Variants in CLEC3A observed in about 807,000 individuals in gnomAD.
CLEC3A encodes C-type lectin domain family 3 member A.
CLEC3A carries 28 observed loss-of-function variants against 20.4 expected under a neutral mutation model. The observed-to-expected ratio is 1.37, with a 90% CI of 1.02 to 1.88. The LOEUF (loss-of-function observed/expected upper bound fraction) is 1.88, where lower values mean the gene tolerates loss of function less well. Among genes scored for constraint, CLEC3A ranks in the 40% most tolerant of loss-of-function variants. The pLI is 0.00. For missense variants in CLEC3A, 357 were observed against 240.4 expected (o/e 1.48, Z -3.21); for synonymous variants, 110 against 88.1 (o/e 1.25, Z -1.39).
intron 1 of CLEC3A, among the ~76,000 whole-genome samples, chr16:78,027,564 A>C (rs1227487687): frequency 1.3e-5 from 2 of 152,208 alleles, no homozygotes; most frequent in Non-Finnish European, 2.9e-5. Flanking sequence ...TTCTAGTATT[A>C]TGATTGCCAT....
intron 1 of CLEC3A, among the ~76,000 whole-genome samples, chr16:78,026,224 C>T (rs1038187889): frequency 2.6e-5 from 4 of 152,184 alleles, no homozygotes; most frequent in Admixed American, 2.6e-4. Context: ...AAGACAGCTT[C>T]CTAACCCAAA....
At chr16:78,027,418 A>T (rs2029956487) in intron 1 of CLEC3A, among the ~76,000 whole-genome samples, 1 of 152,192 alleles carries the variant, frequency 6.6e-6, no homozygotes, top group Admixed American at 6.5e-5. Context: ...GCGCTGGAGC[A>T]AGAGTGATCC....
chr16:78,024,046 C>T (rs1003808334), intron 1 of CLEC3A, among the ~76,000 whole-genome samples: 5 of 152,066 alleles, frequency 3.3e-5, no homozygotes, highest in African/African-American at 4.8e-5. Context: ...CGTGAGCCAC[C>T]GCGCCCGGCT....
chr16:78,031,512 T>A lies in CLEC3A; in HGVS notation c.*671T>A, dbSNP rs1472608483. On this transcript the variant is annotated 3_prime_UTR_variant, in exon 3 of 3. Transcript: ENST00000299642. ...TGAAATGAAATGACAAGGTGTATATTTGATCAATTTTCATTCCCACCATTG... is the reference window on the plus strand; with the variant it reads ...TGAAATGAAATGACAAGGTGTATATATGATCAATTTTCATTCCCACCATTG... The A allele has an allele frequency of 1.3e-5, 2 of 152,170 alleles. No homozygotes were observed. The highest frequency in any genetic ancestry group is 2.4e-5 in the African/African-American group (1 of 41,452). The allele number at this position is 152,170 out of a possible 1,614,324, so 9.4% of individuals were successfully genotyped here.
intron 1 of CLEC3A, among the ~76,000 whole-genome samples, chr16:78,024,827 T>C (rs1370364914): frequency 6.6e-6 from 1 of 152,194 alleles, no homozygotes; most frequent in African/African-American, 2.4e-5. Context: ...TTTTGTTTTT[T>C]GTAGGATTGT....
rs764665016 is a variant in CLEC3A, at chr16:78,030,641, A to C, written c.394A>C (p.Ile132Leu). The change falls in exon 3 of 3, where the codon ATC becomes CTC. Residue 132 changes from isoleucine (I) to leucine (L), a missense_variant. Physicochemically the swap from Ile to Leu is conservative, Grantham distance 5 (BLOSUM62 2). Transcript: ENST00000299642. ...AGGTGTCAATGACTTTTGGCTGGGC[A>C]TCAATGACATGGTCACGGAAGGCAA... is the stretch of plus-strand genomic sequence containing the variant. ...LPGVNDFWLGINDMVTEGKFV... is the reference protein window; with the variant it reads ...LPGVNDFWLGLNDMVTEGKFV... 5.0e-6 allele frequency: 8 copies of C among 1,614,146 alleles called. No individual in the cohort carries two copies. The highest frequency in any genetic ancestry group is 1.3e-5 in the African/African-American group (1 of 75,042).
At position 78,031,033 on chromosome 16, in the gene CLEC3A, G is replaced by C. The variant is rs2030087867; in HGVS notation, c.*192G>C. On this transcript the variant is annotated 3_prime_UTR_variant, in exon 3 of 3. Coordinates refer to ENST00000299642, the MANE Select transcript of CLEC3A (RefSeq NM_005752.6). ...GGGATTTTGCCCTTCCTGGGGTATA[G>C]GGGATCAGAAATATTGATCCATGTG... is the stretch of plus-strand genomic sequence containing the variant. 3.4e-6 allele frequency: 2 copies of C among 592,820 alleles called. No individual in the cohort carries two copies. Among genetic ancestry groups the C allele is most frequent in the African/African-American group, 1.9e-5 (1 of 53,612 alleles). 36.7% of individuals were successfully genotyped at this position (592,820 alleles called of 1,614,324 possible).
Position 78,028,158 on chromosome 16 carries a change from A to G in CLEC3A, c.167A>G (p.Asn56Ser), listed in dbSNP as rs751118367. 13 of 1,611,204 alleles carry G rather than the reference A, an allele frequency of 8.1e-6. No homozygotes were observed. Among genetic ancestry groups the G allele is most frequent in the African/African-American group, 6.7e-5 (5 of 74,672 alleles). ...TQIEKLWTEV[N>S]ALKEIQALQT... ...ATTGAAAAGCTCTGGACAGAAGTCA[A>G]TGCCTTGAAGGAAATTCAAGCCCTG... Residue 56 changes from asparagine (N) to serine (S), a missense_variant, in exon 2 of 3, where the codon AAT becomes AGT. By Grantham distance (46) the Asn-to-Ser change is conservative. Transcript: ENST00000299642.
At chr16:78,024,263 AG>A (rs1226631339) in intron 1 of CLEC3A, among the ~76,000 whole-genome samples, 3 of 152,106 alleles carry the variant, frequency 2.0e-5, no homozygotes, top group African/African-American at 7.2e-5. Context: ...ACTCCTCGTG[AG>A]AGTGGCGATC....
At chr16:78,030,337 A>T (rs923374383) in intron 2 of CLEC3A, 110 bp from the exon 3 acceptor site, 2 of 986,350 alleles carry the variant, frequency 2.0e-6, no homozygotes, top group Non-Finnish European at 3.0e-6. Flanking sequence ...CTGTTGTCTC[A>T]TCATTATCAT....
rs183637528 is a variant in CLEC3A at position 78,030,314 on chromosome 16, T to C, written c.200-133T>C. 2.4e-4 allele frequency: 192 copies of C among 799,214 alleles called. No homozygotes were observed. In the African/African-American group the frequency reaches 2.8e-3, roughly 12 times the overall value. 49.5% of individuals were successfully genotyped at this position (799,214 alleles called of 1,614,324 possible). A position where few individuals can be genotyped will look rare whatever the true frequency, so the allele number is the denominator to read the frequency against. On this transcript the variant is annotated intron_variant, in intron 2 of 2. Coordinates refer to ENST00000299642, the MANE Select transcript of CLEC3A (RefSeq NM_005752.6). ...AATGCTTAGCATGTTGTCCGGCACATAGAAAATTTTAACTGTTGTCTCATC... is the reference window on the plus strand; with the variant it reads ...AATGCTTAGCATGTTGTCCGGCACACAGAAAATTTTAACTGTTGTCTCATC...
intron 1 of CLEC3A, among the ~76,000 whole-genome samples, chr16:78,026,071 C>A (rs1474162335): frequency 1.3e-5 from 2 of 152,098 alleles, no homozygotes; most frequent in Non-Finnish European, 2.9e-5. Context: ...CTGAATGCAC[C>A]CTTACATTTT....
At position 78,031,499 on chromosome 16, in the gene CLEC3A, A is replaced by C. The variant is rs1384184903; in HGVS notation, c.*658A>C. The C allele has an allele frequency of 6.6e-6, 1 of 152,020 alleles. No individual in the cohort carries two copies. The highest frequency in any genetic ancestry group is 1.5e-5 in the Non-Finnish European group (1 of 68,006). The allele number at this position is 152,020 out of a possible 1,614,324, so 9.4% of individuals were successfully genotyped here. ...TCCAGCCGCAATTTGAAATGAAATG[A>C]CAAGGTGTATATTTGATCAATTTTC... is the stretch of plus-strand genomic sequence containing the variant. On this transcript the variant is annotated 3_prime_UTR_variant, in exon 3 of 3. Coordinates refer to ENST00000299642, the MANE Select transcript of CLEC3A (RefSeq NM_005752.6).
intron 2 of CLEC3A, 73 bp downstream of exon 2, chr16:78,028,263 G>A (rs1251052864): frequency 7.8e-6 from 8 of 1,028,290 alleles, no homozygotes; most frequent in East Asian, 5.4e-5. Flanking sequence ...TCTGGGGGAC[G>A]TCTTTTTAAA....
In CLEC3A at chr16:78,030,862, C is replaced by G. The variant is rs1444987934; in HGVS notation, c.*21C>G. 1 of 1,584,272 alleles carries G rather than the reference C, an allele frequency of 6.3e-7. No homozygotes were observed. Among genetic ancestry groups the G allele is most frequent in the East Asian group, 2.2e-5 (1 of 44,552 alleles). On this transcript the variant is annotated 3_prime_UTR_variant, in exon 3 of 3. Transcript: ENST00000299642. ...AATAGGTCTTTCTCCAATGTGTCCTCCAAGCAAGATTCATCATAACTTATA... is the reference window on the plus strand; with the variant it reads ...AATAGGTCTTTCTCCAATGTGTCCTGCAAGCAAGATTCATCATAACTTATA...
intron 1 of CLEC3A, among the ~76,000 whole-genome samples, chr16:78,023,606 A>C (rs533668119): frequency 1.2e-3 from 189 of 152,282 alleles, no homozygotes; most frequent in Non-Finnish European, 2.2e-3. Flanking sequence ...CATTAGTAAC[A>C]ACACACACAT....
chr16:78,022,859 C>A, intron 1 of CLEC3A, 118 bp downstream of exon 1: 2 of 1,042,662 alleles, frequency 1.9e-6, no homozygotes, highest in Non-Finnish European at 2.8e-6. Flanking sequence ...ACCATGCCAT[C>A]ATCCCTATAT....
In CLEC3A at chr16:78,030,904, G is replaced by C. The variant is rs1366452273; in HGVS notation, c.*63G>C. The C allele has an allele frequency of 1.3e-6, 2 of 1,484,636 alleles. No homozygotes were observed. Among genetic ancestry groups the C allele is most frequent in the African/African-American group, 2.8e-5 (2 of 70,798 alleles). 92.0% of individuals were successfully genotyped at this position (1,484,636 alleles called of 1,614,324 possible). ...TAACTTATAGGTTCATGATCTCTAA[G>C]ATCAAGTAAAAATCATAATTTTTAC... On this transcript the variant is annotated 3_prime_UTR_variant, in exon 3 of 3. Coordinates refer to ENST00000299642, the MANE Select transcript of CLEC3A (RefSeq NM_005752.6).
intron 1 of CLEC3A, among the ~76,000 whole-genome samples, chr16:78,024,936 A>G (rs1050975565): frequency 6.6e-6 from 1 of 152,062 alleles, no homozygotes; most frequent in Non-Finnish European, 1.5e-5. Context: ...AAACAATTCT[A>G]GTACCTCAGC....
Sources: gnomAD v4.1 joint callset for allele counts (sites outside exome capture counted in the v4.1 genomes callset) on GRCh38, gnomAD v4.1.1 for gene constraint, MANE v1.5 for transcripts, NCBI Gene and HGNC (gene_info 2026-07-23, HGNC 2026-07-21) for gene names.